MEOX1: variants seen among roughly 807,000 people sequenced by gnomAD.
The protein encoded by MEOX1 is mesenchyme homeobox 1.
In MEOX1, 17 loss-of-function variants were observed where a neutral mutation model predicts 23.2. That is an observed-to-expected ratio of 0.73 (90% confidence interval 0.50 to 1.10). The LOEUF (loss-of-function observed/expected upper bound fraction) is 1.10, where lower values mean the gene tolerates loss of function less well. Ranked by LOEUF, MEOX1 falls within the 50% of genes least tolerant of loss-of-function variation. The pLI is 0.00. For synonymous variants in MEOX1, 134 were observed against 135.1 expected (o/e 0.99, Z 0.06); for missense variants, 333 against 332.2 (o/e 1.00, Z -0.02).
chr17:43,653,242 C>T lies in MEOX1; in HGVS notation c.469+7824G>A, dbSNP rs184315263. ...GCAACCTCTACCTCCCTGGTTCAAG[C>T]GATTTTCCTGCCTCAGCCTCCTGAT... is the stretch of plus-strand genomic sequence containing the variant. On this transcript the variant is annotated intron_variant, in intron 1 of 2. Transcript: ENST00000318579. Among the ~76,000 whole-genome samples, 788 of 151,074 alleles carry T rather than the reference C, an allele frequency of 5.2e-3. 4 individuals carry two copies. Among genetic ancestry groups the T allele is most frequent in the African/African-American group, 0.018 (719 of 41,076 alleles).
At chr17:43,656,179 G>C (rs1247905740) in intron 1 of MEOX1, among the ~76,000 whole-genome samples, 1 of 152,182 alleles carries the variant, frequency 6.6e-6, no homozygotes, top group Non-Finnish European at 1.5e-5. Flanking sequence ...TGCAAATGTA[G>C]CTATAAATTT....
At position 43,648,977 on chromosome 17, in the gene MEOX1, G is replaced by A. The variant is rs967139130; in HGVS notation, c.470-5317C>T. 8.5e-5 allele frequency among the ~76,000 whole-genome samples: 13 copies of A among 152,190 alleles called. 1 individual carries two copies. Among genetic ancestry groups the A allele is most frequent in the Non-Finnish European group, 2.9e-5 (2 of 68,040 alleles). On this transcript the variant is annotated intron_variant, in intron 1 of 2. Coordinates refer to ENST00000318579, the MANE Select transcript of MEOX1 (RefSeq NM_004527.4). ...CACTCATAGGTGAGTGAGGCACCGAGGAAGAGCTTTTGGATCTTGGGCAAG... is the reference window on the plus strand; with the variant it reads ...CACTCATAGGTGAGTGAGGCACCGAAGAAGAGCTTTTGGATCTTGGGCAAG...
At chr17:43,648,468 A>G (rs1972851691) in intron 1 of MEOX1, among the ~76,000 whole-genome samples, 1 of 74,670 alleles carries the variant, frequency 1.3e-5, no homozygotes, top group Admixed American at 1.3e-4. Flanking sequence ...CTCTGTCTCA[A>G]AAAAAAAAAA....
chr17:43,661,357 G>A lies in MEOX1; in HGVS notation c.178C>T (p.Pro60Ser). 2 of 1,613,960 alleles carry A rather than the reference G, an allele frequency of 1.2e-6. No individual in the cohort carries two copies. The highest frequency in any genetic ancestry group is 1.7e-6 in the Non-Finnish European group (2 of 1,179,948). The change falls in exon 1 of 3, where the codon CCT becomes TCT. Residue 60 changes from proline (P) to serine (S), a missense_variant. By Grantham distance (74) the Pro-to-Ser change is moderately conservative. Transcript: ENST00000318579. ...GCCAGGCAGGAGGCTGAGAAGTCAG[G>A]GTACGCTGCCGTCGCTGTCGCCAGG... Reference protein sequence around the residue: ...DFLATATAAYPDFSASCLAAT... With the variant: ...DFLATATAAYSDFSASCLAAT...
chr17:43,643,596 G>A lies in MEOX1; in HGVS notation c.534C>T (p.Phe178=), dbSNP rs758254250. The part of the protein sequence containing the change: ...SSKARKERTA[F]TKEQLRELEA... Reference sequence around the variant, plus strand: ...CCAGCTCTCGCAGCTGCTCCTTGGTGAAGGCCGTCCTCTCCTTGCGGGCTT... The same window carrying A: ...CCAGCTCTCGCAGCTGCTCCTTGGTAAAGGCCGTCCTCTCCTTGCGGGCTT... The change falls in exon 2 of 3, where the codon TTC becomes TTT. Residue 178 remains phenylalanine, a synonymous_variant. Transcript: ENST00000318579. 17 of 1,613,288 alleles carry A rather than the reference G, an allele frequency of 1.1e-5. No homozygotes were observed. In the South Asian group the frequency reaches 1.8e-4, roughly 17 times the overall value.
chr17:43,642,732 G>C (rs1166019976), intron 2 of MEOX1, among the ~76,000 whole-genome samples: 1 of 152,174 alleles, frequency 6.6e-6, no homozygotes, highest in East Asian at 1.9e-4. Context: ...CCAGGAACCA[G>C]CTGCATATCC....
At position 43,661,671 on chromosome 17, in the gene MEOX1, CA is replaced by C. The variant is rs397701349; in HGVS notation, c.-138del. ...TCAACAGAAAATTTACCCCAGGAAC[CA>C]AAAAAAAAAAAAAACCCAAAACTAA... On this transcript the variant is annotated 5_prime_UTR_variant, in exon 1 of 3. Transcript: ENST00000318579. 0.16 allele frequency: 54,476 copies of C among 337,396 alleles called. 28 individuals are homozygous for C. Among genetic ancestry groups the C allele is most frequent in the East Asian group, 0.23 (4,869 of 21,610 alleles). The allele number at this position is 337,396 out of a possible 1,614,324, so 20.9% of individuals were successfully genotyped here.
intron 1 of MEOX1, among the ~76,000 whole-genome samples, chr17:43,652,870 C>T (rs1391001255): frequency 3.9e-5 from 5 of 128,800 alleles, no homozygotes; most frequent in East Asian, 2.5e-4. Context: ...CTCACTCTGT[C>T]GCCCAGGCTG....
chr17:43,641,956 T>C lies in MEOX1; in HGVS notation c.719A>G (p.Gln240Arg). 6.2e-7 allele frequency: 1 copy of C among 1,614,014 alleles called. No individual in the cohort carries two copies. The highest frequency in any genetic ancestry group is 8.5e-7 in the Non-Finnish European group (1 of 1,179,910). The change falls in exon 3 of 3, where the codon CAG becomes CGG. Residue 240 changes from glutamine (Q) to arginine (R), a missense_variant. Coordinates refer to ENST00000318579, the MANE Select transcript of MEOX1 (RefSeq NM_004527.4). Reference protein sequence around the residue: ...KGGQPISPNGQDPEDGDSTAS... With the variant: ...KGGQPISPNGRDPEDGDSTAS... ...TGTGGAGTCCCCATCCTCAGGGTCC[T>C]GCCCATTGGGGGAGATGGGCTGACC...
intron 2 of MEOX1, 139 bp downstream of exon 2, chr17:43,643,349 C>T: frequency 1.3e-6 from 1 of 742,670 alleles, no homozygotes; most frequent in Non-Finnish European, 2.1e-6. Context: ...CCAGGCTATT[C>T]TCAGGTGTGG....
Position 43,661,055 on chromosome 17 carries a change from G to T in MEOX1, c.469+11C>A. 6.8e-7 allele frequency: 1 copy of T among 1,476,736 alleles called. No individual in the cohort carries two copies. The highest frequency in any genetic ancestry group is 9.0e-7 in the Non-Finnish European group (1 of 1,107,748). The allele number at this position is 1,476,736 out of a possible 1,614,324, so 91.5% of individuals were successfully genotyped here. On this transcript the variant is annotated intron_variant, in intron 1 of 2. Coordinates refer to ENST00000318579, the MANE Select transcript of MEOX1 (RefSeq NM_004527.4). ...AGTAAAGGAATGATCAGCTGCTCCT[G>T]AGCCACCTACCTGAACTCTCCTTTC...
At chr17:43,658,943 C>T (rs66873110) in intron 1 of MEOX1, among the ~76,000 whole-genome samples, 2 of 152,042 alleles carry the variant, frequency 1.3e-5, no homozygotes, top group African/African-American at 2.4e-5. Flanking sequence ...AGGGCCCCTG[C>T]GGATGGGAAC....
rs145279679 is a variant in MEOX1 at position 43,643,628 on chromosome 17, T to C, written c.502A>G (p.Ser168Gly). 8.6e-5 allele frequency: 139 copies of C among 1,613,430 alleles called. No individual in the cohort carries two copies. In the African/African-American group the frequency reaches 1.6e-3, roughly 19 times the overall value. ...NQENRGKPEG[S>G]SKARKERTAF... ...GTCCTCTCCTTGCGGGCTTTGCTGC[T>C]GCCCTCCGGCTTCCCTCTGTTCTCC... The change falls in exon 2 of 3, where the codon AGC becomes GGC. Residue 168 changes from serine to glycine, a missense_variant. Physicochemically the swap from Ser to Gly is moderately conservative, Grantham distance 56. Transcript: ENST00000318579.
chr17:43,658,699 T>C (rs778203657), intron 1 of MEOX1, among the ~76,000 whole-genome samples: 5 of 152,108 alleles, frequency 3.3e-5, no homozygotes, highest in Non-Finnish European at 5.9e-5. Context: ...CTGGAGTAGG[T>C]CATGAGCCTT....
At chr17:43,645,705 G>C (rs941328197) in intron 1 of MEOX1, among the ~76,000 whole-genome samples, 4 of 152,230 alleles carry the variant, frequency 2.6e-5, no homozygotes, top group African/African-American at 9.6e-5. Flanking sequence ...TATGCAGTCG[G>C]CTAAGCAGCC....
At chr17:43,657,963 G>A (rs531768460) in intron 1 of MEOX1, among the ~76,000 whole-genome samples, 1 of 152,318 alleles carries the variant, frequency 6.6e-6, no homozygotes, top group South Asian at 2.1e-4. Context: ...TTCACAGAGA[G>A]ACTCTCTATG....
chr17:43,653,053 C>T (rs1297603798), intron 1 of MEOX1, among the ~76,000 whole-genome samples: 1 of 151,156 alleles, frequency 6.6e-6, no homozygotes, highest in Admixed American at 6.6e-5. Context: ...AGGATGGTCT[C>T]GATCTTCTGA....
At chr17:43,649,414 C>T (rs1487755784) in intron 1 of MEOX1, among the ~76,000 whole-genome samples, 1 of 148,970 alleles carries the variant, frequency 6.7e-6, no homozygotes, top group African/African-American at 2.5e-5. Flanking sequence ...TCAAGCGATT[C>T]TCCTGCCTCA....
chr17:43,650,791 G>A (rs1412138226), intron 1 of MEOX1, among the ~76,000 whole-genome samples: 1 of 152,156 alleles, frequency 6.6e-6, no homozygotes, highest in African/African-American at 2.4e-5. Context: ...CGTCGAAATA[G>A]ACAAGACTGG....
Sources: gnomAD v4.1 joint callset for allele counts (sites outside exome capture counted in the v4.1 genomes callset) on GRCh38, gnomAD v4.1.1 for gene constraint, MANE v1.5 for transcripts, NCBI Gene and HGNC (gene_info 2026-07-23, HGNC 2026-07-21) for gene names.